Variants in KIF21A observed in about 807,000 individuals in gnomAD.
KIF21A encodes kinesin family member 21A.
In KIF21A, 114 loss-of-function variants were observed where a neutral mutation model predicts 202.9. That is an observed-to-expected ratio of 0.56 (90% CI 0.48 to 0.66). The LOEUF (loss-of-function observed/expected upper bound fraction) is 0.66. Among genes scored for constraint, KIF21A ranks in the 30% least tolerant of loss-of-function variants. The pLI, the probability that KIF21A is intolerant of heterozygous loss-of-function variation, is 0.00. For synonymous variants in KIF21A, 667 were observed against 670.8 expected, an observed-to-expected ratio of 0.99 and a Z score of 0.09; for missense variants, 1,677 against 1,994.9, an observed-to-expected ratio of 0.84 and a Z score of 3.04.
At chr12:39,378,250 A>G (rs1337497497) in intron 1 of KIF21A, among the ~76,000 whole-genome samples, 1 of 152,244 alleles carries the variant, frequency 6.6e-6, no homozygotes, top group Non-Finnish European at 1.5e-5. Flanking sequence ...CTAAGGACAC[A>G]GAACACTGAT....
intron 10 of KIF21A, among the ~76,000 whole-genome samples, chr12:39,352,657 C>T (rs1489166224): frequency 1.3e-5 from 2 of 152,142 alleles, no homozygotes; most frequent in African/African-American, 4.8e-5. Flanking sequence ...ATTTCCAAAA[C>T]TGTGCAAGGA....
intron 1 of KIF21A, among the ~76,000 whole-genome samples, chr12:39,434,114 T>C (rs1204134100): frequency 6.6e-6 from 1 of 152,216 alleles, no homozygotes; most frequent in Non-Finnish European, 1.5e-5. Flanking sequence ...ATGTATTTCT[T>C]ACAGTTCTAG....
Position 39,305,131 on chromosome 12 carries a change from C to T in KIF21A, c.4443-193G>A, listed in dbSNP as rs77237045. Among the ~76,000 whole-genome samples the T allele has an allele frequency of 3.7e-3, 565 of 151,676 alleles. 3 individuals carry two copies. Among genetic ancestry groups the T allele is most frequent in the African/African-American group, 0.013 (535 of 41,354 alleles). ...CTGTAATCCCAGCACTTTGGGAGAC[C>T]GAGGTGGACGTATCACCTGAGGCCA... On this transcript the variant is annotated intron_variant, in intron 34 of 37. Coordinates refer to ENST00000361418, the MANE Select transcript of KIF21A (RefSeq NM_001173464.2).
At chr12:39,367,201 A>G (rs1949660783) in intron 4 of KIF21A, 37 bp from the exon 5 acceptor site, 1 of 1,610,486 alleles carries the variant, frequency 6.2e-7, no homozygotes, top group Non-Finnish European at 8.5e-7. Flanking sequence ...TTACTTGAAC[A>G]ATAAACAAGA....
In KIF21A at chr12:39,332,737, A is replaced by G. The variant is rs1355412839; in HGVS notation, c.2710T>C (p.Tyr904His). Residue 904 changes from tyrosine to histidine, a missense_variant, in exon 20 of 38, where the codon TAT becomes CAT. Coordinates refer to ENST00000361418, the MANE Select transcript of KIF21A (RefSeq NM_001173464.2). ...TPATNGNRKK[Y>H]QRKGLTGRVF... ...CGGCCAGTCAATCCTTTCCTCTGAT[A>G]TTTTTTCCTATAATCATATAAAACA... 5 of 1,613,906 alleles carry G rather than the reference A, an allele frequency of 3.1e-6. No homozygotes were observed. Among genetic ancestry groups the G allele is most frequent in the Middle Eastern group, 1.7e-4 (1 of 6,058 alleles).
chr12:39,311,090 T>C (rs1943981913), intron 32 of KIF21A, among the ~76,000 whole-genome samples: 1 of 152,020 alleles, frequency 6.6e-6, no homozygotes, highest in African/African-American at 2.4e-5. Flanking sequence ...ATGCATCTTA[T>C]TCTCTTTCCC....
In KIF21A at chr12:39,340,326, CTT is replaced by C; in HGVS notation, c.2147_2148del (p.Lys716SerfsTer2). 1 of 1,610,366 alleles carries C rather than the reference CTT, an allele frequency of 6.2e-7. No homozygotes were observed. The highest frequency in any genetic ancestry group is 8.5e-7 in the Non-Finnish European group (1 of 1,178,126). On this transcript the variant is annotated frameshift_variant, in exon 16 of 38. Transcript: ENST00000361418. LOFTEE classifies it high-confidence loss of function. The stretch of plus-strand genomic sequence containing the variant: ...AGTTTCTTTTCATATTCAGACCTAA[CTT>C]TTTTTGCTTTTTCTTCTGAGTAAGA... ...VESYSEEKAK[K>X]VRSEYEKKLQ... is the part of the protein sequence containing the mutation.
Position 39,357,279 on chromosome 12 carries a change from A to T in KIF21A, c.1374T>A (p.Ser458Arg). 1.2e-6 allele frequency: 2 copies of T among 1,614,138 alleles called. No individual in the cohort carries two copies. Among genetic ancestry groups the T allele is most frequent in the Non-Finnish European group, 1.7e-6 (2 of 1,179,992 alleles). ...TGGCAAGAACATGGTTGGCCTGATC[A>T]CTAACAAGCTGTGTAATTCTGGACC... ...ALRSRITQLV[S>R]DQANHVLARA... The change falls in exon 9 of 38, where the codon AGT becomes AGA. Residue 458 changes from serine to arginine, a missense_variant. Ser to Arg is a moderately radical substitution (Grantham distance 110, BLOSUM62 -1). Around this residue, in one of 3 missense-constraint regions of KIF21A, gnomAD observed 966 missense variants for 1,180.9 expected, o/e 0.82. Transcript: ENST00000361418.
At chr12:39,398,245 G>A (rs575726195) in intron 1 of KIF21A, among the ~76,000 whole-genome samples, 3 of 152,280 alleles carry the variant, frequency 2.0e-5, no homozygotes, top group South Asian at 2.1e-4. Flanking sequence ...GCCATCTTTC[G>A]TACTGAATGA....
At chr12:39,405,850 T>A (rs750031129) in intron 1 of KIF21A, among the ~76,000 whole-genome samples, 1 of 151,834 alleles carries the variant, frequency 6.6e-6, no homozygotes, top group African/African-American at 2.4e-5. Context: ...GAAAAAAAAA[T>A]ATGCAATAAG....
intron 1 of KIF21A, among the ~76,000 whole-genome samples, chr12:39,388,200 T>G (rs1008961736): frequency 1.3e-5 from 2 of 152,118 alleles, no homozygotes; most frequent in Non-Finnish European, 2.9e-5. Context: ...CCGGAGGCAG[T>G]GTGAGTGAGT....
At chr12:39,419,541 G>A (rs371614058) in intron 1 of KIF21A, among the ~76,000 whole-genome samples, 34 of 152,276 alleles carry the variant, frequency 2.2e-4, no homozygotes, top group African/African-American at 7.9e-4. Context: ...TTTACGTCAA[G>A]ATAGGGAAAG....
rs181840456 is a variant in KIF21A, at chr12:39,323,481, T to C, written c.3457-599A>G. ...AAGCCTCTTCCCATGATGCCTTAAA[T>C]ATATGTTTAATTTGCCCACTGGACA... On this transcript the variant is annotated intron_variant, in intron 26 of 37. Coordinates refer to ENST00000361418, the MANE Select transcript of KIF21A (RefSeq NM_001173464.2). 2.6e-5 allele frequency among the ~76,000 whole-genome samples: 4 copies of C among 152,348 alleles called. No homozygotes were observed. In the East Asian group the frequency reaches 7.7e-4, roughly 29 times the overall value.
Position 39,437,752 on chromosome 12 carries a change from C to T in KIF21A, c.44+5175G>A, listed in dbSNP as rs950739469. 7.2e-5 allele frequency among the ~76,000 whole-genome samples: 11 copies of T among 152,096 alleles called. No homozygotes were observed. The South Asian group carries it at 1.7e-3, about 23-fold the overall frequency. On this transcript the variant is annotated intron_variant, in intron 1 of 37. Transcript: ENST00000361418. The stretch of plus-strand genomic sequence containing the variant: ...ATGAAAGCAAGGACAACATACGTCA[C>T]GTGTGTTGTGGTAGGAAAGTGTCTG...
At chr12:39,407,872 TA>T (rs1201941074) in intron 1 of KIF21A, among the ~76,000 whole-genome samples, 1 of 151,234 alleles carries the variant, frequency 6.6e-6, no homozygotes, top group African/African-American at 2.4e-5. Flanking sequence ...ATATTTAGCA[TA>T]AAATCAGTAG....
intron 1 of KIF21A, among the ~76,000 whole-genome samples, chr12:39,373,972 T>C (rs567631834): frequency 6.6e-6 from 1 of 152,294 alleles, no homozygotes; most frequent in East Asian, 1.9e-4. Flanking sequence ...TTCCAGCAGG[T>C]CTGAGAAAGT....
intron 1 of KIF21A, among the ~76,000 whole-genome samples, chr12:39,401,520 T>C (rs928464337): frequency 6.6e-5 from 10 of 152,072 alleles, no homozygotes; most frequent in Admixed American, 6.6e-4. Context: ...GATTAAAGGG[T>C]GTTCACAATA....
intron 36 of KIF21A, 99 bp from the exon 37 acceptor site, chr12:39,301,778 A>G (rs1942985166): frequency 9.8e-6 from 10 of 1,020,142 alleles, no homozygotes; most frequent in Non-Finnish European, 1.5e-5. Context: ...CCAAAACTTG[A>G]TATTTGGAAT....
chr12:39,343,117 C>A (rs1424834259), intron 12 of KIF21A, among the ~76,000 whole-genome samples: 2 of 151,930 alleles, frequency 1.3e-5, no homozygotes, highest in Admixed American at 1.3e-4. Flanking sequence ...ATTAAAAAGC[C>A]CTTTGAGAGG....
Sources: gnomAD v4.1 joint callset for allele counts (sites outside exome capture counted in the v4.1 genomes callset) on GRCh38, gnomAD v4.1.1 for gene constraint, gnomAD v4.1.1 regional missense constraint, MANE v1.5 for transcripts, NCBI Gene and HGNC (gene_info 2026-07-23, HGNC 2026-07-21) for gene names.